Variants in EFR3B observed in about 807,000 individuals in gnomAD.
The protein encoded by EFR3B is protein EFR3 homolog B.
A neutral mutation model predicts 104.7 loss-of-function variants in EFR3B; 64 were observed. That is an observed-to-expected ratio of 0.61 (90% CI 0.50 to 0.75). The LOEUF is 0.75. EFR3B is among the 30% of genes least tolerant of loss of function. The probability of loss-of-function intolerance (pLI) is 0.00; values close to 1 mark genes in which losing one functional copy is unlikely to be tolerated. For synonymous variants in EFR3B, 385 were observed against 417.9 expected (o/e 0.92, Z 0.96); for missense variants, 750 against 1,078.5 (o/e 0.70, Z 4.27).
chr2:25,052,542 C>T (rs563404352), intron 1 of EFR3B, among the ~76,000 whole-genome samples: 1 of 145,816 alleles, frequency 6.9e-6, no homozygotes, highest in East Asian at 2.1e-4. Flanking sequence ...CGCTCTGTCG[C>T]CCAGGCTGGA....
At chr2:25,053,643 G>A (rs552712254) in intron 1 of EFR3B, among the ~76,000 whole-genome samples, 5 of 152,282 alleles carry the variant, frequency 3.3e-5, no homozygotes, top group South Asian at 2.1e-4. Flanking sequence ...GGTGGCTCAC[G>A]CCTGCAATCC....
In EFR3B at chr2:25,136,477, CTGG is replaced by C; in HGVS notation, c.1485-45_1485-43del. On this transcript the variant is annotated intron_variant, in intron 13 of 22. Coordinates refer to ENST00000403714, the MANE Select transcript of EFR3B (RefSeq NM_014971.2). This position sits in a 1 kb window ranked among gnomAD's most constrained non-coding sequence, Gnocchi z 4.0. The stretch of plus-strand genomic sequence containing the variant: ...CTCAGTGACCCCGTGTGAGCTCAGG[CTGG>C]CCTCATGCAAGGGCTAAGGAGGCCC... 1 of 1,484,080 alleles carries C rather than the reference CTGG, an allele frequency of 6.7e-7. No individual in the cohort carries two copies. The highest frequency in any genetic ancestry group is 2.5e-5 in the East Asian group (1 of 40,526). The allele number at this position is 1,484,080 out of a possible 1,614,324, so 91.9% of individuals were successfully genotyped here.
Position 25,154,430 on chromosome 2 carries a change from T to C in EFR3B, c.*90T>C, listed in dbSNP as rs1380276512. On this transcript the variant is annotated 3_prime_UTR_variant, in exon 23 of 23. Coordinates refer to ENST00000403714, the MANE Select transcript of EFR3B (RefSeq NM_014971.2). The surrounding 1 kb of genome is among the most constrained non-coding windows in gnomAD (Gnocchi z 4.1). Reference sequence around the variant, plus strand: ...CGACCACATGGAGATCTGGCTGTGATCTCTGAGAAAACATCACCTTAGATG... The same window carrying C: ...CGACCACATGGAGATCTGGCTGTGACCTCTGAGAAAACATCACCTTAGATG... 8.2e-6 allele frequency: 10 copies of C among 1,221,598 alleles called. No homozygotes were observed. Among genetic ancestry groups the C allele is most frequent in the Non-Finnish European group, 1.2e-5 (10 of 862,632 alleles). 75.7% of individuals were successfully genotyped at this position (1,221,598 alleles called of 1,614,324 possible).
At position 25,131,973 on chromosome 2, in the gene EFR3B, G is replaced by T; in HGVS notation, c.1147+62G>T. On this transcript the variant is annotated intron_variant, in intron 10 of 22. Transcript: ENST00000403714. The surrounding 1 kb of genome is among the most constrained non-coding windows in gnomAD (Gnocchi z 7.6). ...GAGGCGCGGAGTGGGGAGGGGAGGGGAGGGACGGGACGGGGCCCAGGGGCT... is the reference window on the plus strand; with the variant it reads ...GAGGCGCGGAGTGGGGAGGGGAGGGTAGGGACGGGACGGGGCCCAGGGGCT... 1.6e-6 allele frequency: 1 copy of T among 624,210 alleles called. No homozygotes were observed. The allele number at this position is 624,210 out of a possible 1,614,324, so 38.7% of individuals were successfully genotyped here. A position where few individuals can be genotyped will look rare whatever the true frequency, so the allele number is the denominator to read the frequency against.
intron 3 of EFR3B, among the ~76,000 whole-genome samples, chr2:25,103,053 G>C (rs552726401): frequency 6.6e-6 from 1 of 152,152 alleles, no homozygotes; most frequent in Non-Finnish European, 1.5e-5. Flanking sequence ...TAAAGATCTT[G>C]ACTTCCTCCC....
At chr2:25,139,307 A>T (rs1670599144) in intron 16 of EFR3B, 117 bp downstream of exon 16, 1 of 1,274,142 alleles carries the variant, frequency 7.8e-7, no homozygotes, top group East Asian at 2.6e-5. Context: ...GACAGGGTTG[A>T]AGTAAGAACC....
chr2:25,147,096 A>C (rs1439802433), intron 19 of EFR3B: 1 of 152,290 alleles, frequency 6.6e-6, no homozygotes, highest in Non-Finnish European at 1.5e-5. Flanking sequence ...GGTGCAGCTG[A>C]GCGCCTGTGA....
At position 25,135,771 on chromosome 2, in the gene EFR3B, C is replaced by A. The variant is rs919184956; in HGVS notation, c.1484+132C>A. 12 of 1,088,630 alleles carry A rather than the reference C, an allele frequency of 1.1e-5. No homozygotes were observed. In the African/African-American group the frequency reaches 1.7e-4, roughly 16 times the overall value. The allele number at this position is 1,088,630 out of a possible 1,614,324, so 67.4% of individuals were successfully genotyped here. ...TGAGTATTGTGGGATCTGAGTATCC[C>A]ACAATTCAGATACTCAGTGAGACTC... is the stretch of plus-strand genomic sequence containing the variant. On this transcript the variant is annotated intron_variant, in intron 13 of 22. Coordinates refer to ENST00000403714, the MANE Select transcript of EFR3B (RefSeq NM_014971.2).
chr2:25,143,947 C>G, intron 18 of EFR3B, 85 bp downstream of exon 18: 1 of 1,458,274 alleles, frequency 6.9e-7, no homozygotes. Flanking sequence ...ACTTATAGCC[C>G]TTTGATTGCC....
At chr2:25,121,847 TG>T (rs1208640858) in intron 5 of EFR3B, 53 bp downstream of exon 5, 1 of 1,550,550 alleles carries the variant, frequency 6.4e-7, no homozygotes, top group African/African-American at 1.4e-5. Flanking sequence ...GAAGCAACGG[TG>T]GGTCCTGTAG....
At chr2:25,088,540 C>T (rs1475316959) in intron 1 of EFR3B, among the ~76,000 whole-genome samples, 2 of 152,064 alleles carry the variant, frequency 1.3e-5, no homozygotes, top group African/African-American at 4.8e-5. Flanking sequence ...TGGAAGGGCT[C>T]AATGGCACTG....
At chr2:25,059,480 A>C (rs1311901070) in intron 1 of EFR3B, among the ~76,000 whole-genome samples, 2 of 151,370 alleles carry the variant, frequency 1.3e-5, no homozygotes, top group Admixed American at 1.3e-4. Context: ...CAGTCACACA[A>C]GGACAAGTAG....
rs114348431 is a variant in EFR3B at position 25,047,886 on chromosome 2, C to T, written c.7+5567C>T. ...GAACAGTACTGTGATACCGTTCCTT[C>T]TATCAAACAAAGGAAAAATATAAAA... On this transcript the variant is annotated intron_variant, in intron 1 of 22. Coordinates refer to ENST00000403714, the MANE Select transcript of EFR3B (RefSeq NM_014971.2). 9.4e-3 allele frequency among the ~76,000 whole-genome samples: 1,433 copies of T among 152,268 alleles called. 25 individuals are homozygous for T. The highest frequency in any genetic ancestry group is 0.032 in the African/African-American group (1,349 of 41,538).
intron 4 of EFR3B, among the ~76,000 whole-genome samples, chr2:25,109,197 G>A (rs183404318): frequency 1.3e-5 from 2 of 148,724 alleles, no homozygotes; most frequent in African/African-American, 2.5e-5. Context: ...AATTAAAAAC[G>A]GGCAAAGAAC....
Position 25,136,616 on chromosome 2 carries a change from C to T in EFR3B, c.1560+18C>T, listed in dbSNP as rs1013563467. The stretch of plus-strand genomic sequence containing the variant: ...TGAAGAAGGTAAACAAGCATGACCT[C>T]CAGGCACAGTGAAGGGCGGGCACGG... On this transcript the variant is annotated intron_variant, in intron 14 of 22. Coordinates refer to ENST00000403714, the MANE Select transcript of EFR3B (RefSeq NM_014971.2). The surrounding 1 kb of genome is among the most constrained non-coding windows in gnomAD (Gnocchi z 4.0). 1.3e-6 allele frequency: 2 copies of T among 1,549,318 alleles called. No individual in the cohort carries two copies. Among genetic ancestry groups the T allele is most frequent in the Non-Finnish European group, 1.7e-6 (2 of 1,145,334 alleles).
intron 1 of EFR3B, chr2:25,081,279 C>G: frequency 4.8e-6 from 5 of 1,042,550 alleles, no homozygotes; most frequent in Non-Finnish European, 7.4e-6. Context: ...TGTTCCTTTT[C>G]CTCGACCATC....
chr2:25,126,903 G>A (rs1670183144), intron 5 of EFR3B, among the ~76,000 whole-genome samples: 1 of 151,818 alleles, frequency 6.6e-6, no homozygotes, highest in Non-Finnish European at 1.5e-5. Context: ...TTATAAAAGT[G>A]AAACGTTTGG....
chr2:25,058,325 T>A (rs1459283585), intron 1 of EFR3B: 1 of 151,960 alleles, frequency 6.6e-6, no homozygotes, highest in Admixed American at 6.6e-5. Context: ...TGAGACCCCA[T>A]CTCTTTTAAA....
chr2:25,081,925 G>T (rs1668819227), intron 1 of EFR3B, among the ~76,000 whole-genome samples: 1 of 152,190 alleles, frequency 6.6e-6, no homozygotes, highest in Non-Finnish European at 1.5e-5. Context: ...TTGAGACTTT[G>T]TTTGTTTCAA....
Sources: gnomAD v4.1 joint callset for allele counts (sites outside exome capture counted in the v4.1 genomes callset) on GRCh38, gnomAD v4.1.1 for gene constraint, Gnocchi (gnomAD v3.1) non-coding constraint, MANE v1.5 for transcripts, NCBI Gene and HGNC (gene_info 2026-07-23, HGNC 2026-07-21) for gene names.